CSMD2: variants seen among roughly 807,000 people sequenced by gnomAD.
CSMD2 encodes CUB and sushi domain-containing protein 2.
CSMD2 carries 130 observed loss-of-function variants against 398.5 expected under a neutral mutation model. The ratio of observed to expected loss-of-function variants is 0.33; its 90% CI spans 0.28 to 0.38. The LOEUF is 0.38. CSMD2 is among the 10% of genes least tolerant of loss of function. CSMD2 has a pLI of 1.00. For synonymous variants in CSMD2, 1,828 were observed against 1,908.5 expected, an observed-to-expected ratio of 0.96 and a Z score of 1.10; for missense variants, 3,829 against 4,764.9, an observed-to-expected ratio of 0.80 and a Z score of 5.78.
At chr1:33,606,621 A>AG (rs1436749269) in intron 41 of CSMD2, among the ~76,000 whole-genome samples, 4 of 152,236 alleles carry the variant, frequency 2.6e-5, no homozygotes, top group Non-Finnish European at 5.9e-5. Context: ...CAGCGGAAGC[A>AG]GGGGGCCTTT....
At chr1:33,758,366 A>G (rs1649334627) in intron 13 of CSMD2, among the ~76,000 whole-genome samples, 1 of 152,244 alleles carries the variant, frequency 6.6e-6, no homozygotes, top group Non-Finnish European at 1.5e-5. Context: ...AGGGCTGTGG[A>G]ATAAAATCCT....
intron 44 of CSMD2, among the ~76,000 whole-genome samples, chr1:33,591,289 C>T (rs1014315101): frequency 1.3e-5 from 2 of 152,124 alleles, no homozygotes; most frequent in African/African-American, 4.8e-5. Context: ...TGCTCGGCCT[C>T]ATTTGCAGCC....
chr1:33,525,025 G>T lies in CSMD2; in HGVS notation c.10253C>A (p.Ala3418Asp). The T allele has an allele frequency of 6.2e-7, 1 of 1,614,134 alleles. No individual in the cohort carries two copies. Among genetic ancestry groups the T allele is most frequent in the Non-Finnish European group, 8.5e-7 (1 of 1,180,016 alleles). Residue 3418 changes from alanine to aspartate, a missense_variant, in exon 66 of 71, where the codon GCC (alanine) becomes GAC (aspartate). Transcript: ENST00000373381. ...GGCCCCTTTCCACAGGGAATTCTTG[G>T]CAAAAACATCCCCAGGAACTAGAGG... ...TQALIPGDVF[A>D]KNSLWKGAYE...
rs149404521 is a variant in CSMD2 at position 33,636,667 on chromosome 1, C to T, written c.4775-113G>A. 191 of 783,958 alleles carry T rather than the reference C, an allele frequency of 2.4e-4. 1 individual carries two copies. Among genetic ancestry groups the T allele is most frequent in the South Asian group, 5.9e-4 (34 of 57,674 alleles). 48.6% of individuals were successfully genotyped at this position (783,958 alleles called of 1,614,324 possible). A position where few individuals can be genotyped will look rare whatever the true frequency, so the allele number is the denominator to read the frequency against. ...CGACTTTAATTAGCCACAGAGCACA[C>T]GGGGATGCGTGACTGTGGCTCCTAT... On this transcript the variant is annotated intron_variant, in intron 29 of 70. Coordinates refer to ENST00000373381, the MANE Select transcript of CSMD2 (RefSeq NM_001281956.2). The surrounding 1 kb of genome is among the most constrained non-coding windows in gnomAD (Gnocchi z 4.8).
At chr1:33,950,846 C>A (rs1644987423) in intron 3 of CSMD2, among the ~76,000 whole-genome samples, 1 of 152,202 alleles carries the variant, frequency 6.6e-6, no homozygotes, top group Non-Finnish European at 1.5e-5. Flanking sequence ...CTCCCTCCTT[C>A]CTATTCAGCC....
chr1:33,665,535 G>A (rs1185624661), intron 25 of CSMD2, among the ~76,000 whole-genome samples: 7 of 128,434 alleles, frequency 5.5e-5, no homozygotes, highest in Non-Finnish European at 7.7e-5. Context: ...TGGTGCAATC[G>A]TAACTCACTA....
At chr1:33,611,009 A>C in intron 41 of CSMD2, 32 bp downstream of exon 41, 2 of 1,597,142 alleles carry the variant, frequency 1.3e-6, no homozygotes, top group Non-Finnish European at 1.7e-6. Context: ...GGAGATAGAC[A>C]GAGAAGCAAA....
chr1:33,990,619 C>T lies in CSMD2; in HGVS notation c.517+41975G>A, dbSNP rs34149410. On this transcript the variant is annotated intron_variant, in intron 3 of 70. Coordinates refer to ENST00000373381, the MANE Select transcript of CSMD2 (RefSeq NM_001281956.2). ...GAAGAGGAGAATCAGTCACCCCAAA[C>T]TCAAGGGACTTGGGAAAAACAATGG... is the stretch of plus-strand genomic sequence containing the variant. Among the ~76,000 whole-genome samples the T allele has an allele frequency of 3.6e-3, 547 of 152,312 alleles. 1 individual carries two copies. Among genetic ancestry groups the T allele is most frequent in the Admixed American group, 5.7e-3 (87 of 15,298 alleles).
At chr1:33,890,311 A>T (rs1336572486) in intron 5 of CSMD2, among the ~76,000 whole-genome samples, 1 of 150,384 alleles carries the variant, frequency 6.6e-6, no homozygotes, top group African/African-American at 2.4e-5. Flanking sequence ...GCTCACTGCA[A>T]GCTCCGCCTC....
Position 33,625,168 on chromosome 1 carries a change from C to A in CSMD2, c.5383G>T (p.Ala1795Ser), listed in dbSNP as rs1262978396. The change falls in exon 34 of 71, where the codon GCC becomes TCC. Residue 1795 changes from alanine (A) to serine (S), a missense_variant. By Grantham distance (99) the Ala-to-Ser change is moderately conservative. Coordinates refer to ENST00000373381, the MANE Select transcript of CSMD2 (RefSeq NM_001281956.2). ...KRLGSDFSVG[A>S]IVRFECNSGY... Reference sequence around the variant, plus strand: ...GAGTTGCATTCGAAGCGGACGATGGCCCCCACCGAGAAGTCACTGCCCAGC... The same window carrying A: ...GAGTTGCATTCGAAGCGGACGATGGACCCCACCGAGAAGTCACTGCCCAGC... 6.2e-7 allele frequency: 1 copy of A among 1,607,318 alleles called. No homozygotes were observed. The highest frequency in any genetic ancestry group is 1.7e-5 in the Admixed American group (1 of 59,362).
chr1:33,785,756 A>G (rs1316079339), intron 12 of CSMD2, among the ~76,000 whole-genome samples: 1 of 152,242 alleles, frequency 6.6e-6, no homozygotes, highest in African/African-American at 2.4e-5. Flanking sequence ...AAACCCTGAG[A>G]TAATGAACAT....
intron 5 of CSMD2, among the ~76,000 whole-genome samples, chr1:33,874,686 G>A (rs1470131330): frequency 3.3e-5 from 5 of 152,164 alleles, no homozygotes; most frequent in African/African-American, 1.2e-4. Context: ...CAGAGAGTTT[G>A]ATGGGCACCA....
chr1:33,912,054 G>T (rs575239369), intron 5 of CSMD2, among the ~76,000 whole-genome samples: 1 of 152,220 alleles, frequency 6.6e-6, no homozygotes, highest in African/African-American at 2.4e-5. Context: ...TTGAGGCCTT[G>T]GTCTCCTGCC....
intron 13 of CSMD2, among the ~76,000 whole-genome samples, chr1:33,752,992 C>T (rs1300168593): frequency 6.6e-6 from 1 of 152,184 alleles, no homozygotes. Flanking sequence ...AGCATGGCTG[C>T]TTCTAACAGC....
intron 68 of CSMD2, among the ~76,000 whole-genome samples, chr1:33,521,133 G>T (rs934798531): frequency 1.3e-5 from 2 of 152,210 alleles, no homozygotes; most frequent in Non-Finnish European, 2.9e-5. Context: ...GTCGTTGTTT[G>T]TTGAGGCAGG....
chr1:33,686,395 T>C (rs1054760130), intron 25 of CSMD2, among the ~76,000 whole-genome samples: 3 of 152,156 alleles, frequency 2.0e-5, no homozygotes, highest in East Asian at 1.9e-4. Flanking sequence ...TGCTGTCAGC[T>C]GCCAGGCCTG....
chr1:33,600,116 A>G (rs1377778691), intron 44 of CSMD2: 1 of 708,574 alleles, frequency 1.4e-6, no homozygotes, highest in African/African-American at 1.8e-5. Flanking sequence ...CGGTAATTCT[A>G]CAGGTGAAGA....
At chr1:33,913,413 G>C (rs1643564140) in intron 5 of CSMD2, among the ~76,000 whole-genome samples, 1 of 152,322 alleles carries the variant, frequency 6.6e-6, no homozygotes, top group Non-Finnish European at 1.5e-5. Flanking sequence ...GTTGGCTTCA[G>C]TGGGACCACC....
intron 15 of CSMD2, among the ~76,000 whole-genome samples, chr1:33,734,648 G>A (rs1253258795): frequency 1.3e-5 from 2 of 151,998 alleles, no homozygotes; most frequent in African/African-American, 4.8e-5. Context: ...AGCCAGGCAT[G>A]GTTGCATACA....
Sources: allele counts gnomAD v4.1 joint callset (sites outside exome capture counted in the v4.1 genomes callset), GRCh38; gene constraint gnomAD v4.1.1; non-coding constraint Gnocchi (gnomAD v3.1); transcripts MANE v1.5; gene names NCBI Gene and HGNC (gene_info 2026-07-23, HGNC 2026-07-21).